Variants in NCKAP5 observed in about 807,000 individuals in gnomAD.
NCKAP5 encodes NCK associated protein 5.
In NCKAP5, 92 loss-of-function variants were observed where a neutral mutation model predicts 167.0. The observed-to-expected ratio is 0.55, with a 90% CI of 0.47 to 0.66. The LOEUF is 0.66. Among genes scored for constraint, NCKAP5 ranks in the 30% least tolerant of loss-of-function variants. The pLI, the probability that NCKAP5 is intolerant of heterozygous loss-of-function variation, is 0.00. For synonymous variants in NCKAP5, 891 were observed against 877.4 expected (o/e 1.02, Z -0.27); for missense variants, 2,378 against 2,315.0 (o/e 1.03, Z -0.56).
rs759457152 is a variant in NCKAP5, at chr2:132,785,610, T to G, written c.1201A>C (p.Ile401Leu). 6.4e-7 allele frequency: 1 copy of G among 1,570,658 alleles called. No individual in the cohort carries two copies. Among genetic ancestry groups the G allele is most frequent in the Non-Finnish European group, 8.6e-7 (1 of 1,161,608 alleles). The change falls in exon 14 of 20, where the codon ATT (isoleucine) becomes CTT (leucine). Residue 401 changes from isoleucine to leucine, a missense_variant. Ile to Leu is a conservative substitution (Grantham distance 5). Around this residue, in one of 3 missense-constraint regions of NCKAP5, gnomAD observed 1,049 missense variants for 1,023.4 expected, o/e 1.02. Coordinates refer to ENST00000409261, the MANE Select transcript of NCKAP5 (RefSeq NM_207363.3). Reference protein sequence around the residue: ...LPPTRIKESHILEGLRKLQKR... With the variant: ...LPPTRIKESHLLEGLRKLQKR... The stretch of plus-strand genomic sequence containing the variant: ...TGTAGCTTTCTTAGCCCTTCCAAAA[T>G]GTGGCTTTCCTTGATACGAGTTGGA...
chr2:133,183,831 C>T (rs1396478059), intron 5 of NCKAP5, among the ~76,000 whole-genome samples: 1 of 152,216 alleles, frequency 6.6e-6, no homozygotes, highest in African/African-American at 2.4e-5. Context: ...CCCAAGGAAT[C>T]TACAAAACCT....
rs180943855 is a variant in NCKAP5 at position 133,429,410 on chromosome 2, T to C, written c.69+88048A>G. Among the ~76,000 whole-genome samples the C allele has an allele frequency of 2.9e-3, 435 of 152,146 alleles. 1 individual carries two copies. The highest frequency in any genetic ancestry group is 4.8e-3 in the Non-Finnish European group (325 of 67,988). ...TCTAATGATCCTATCACCCCAATAG[T>C]GAATATAGTAACCAATAAAAAGTTT... On this transcript the variant is annotated intron_variant, in intron 3 of 19. Coordinates refer to ENST00000409261, the MANE Select transcript of NCKAP5 (RefSeq NM_207363.3).
chr2:133,066,031 G>T (rs1299931703), intron 6 of NCKAP5, among the ~76,000 whole-genome samples: 1 of 152,216 alleles, frequency 6.6e-6, no homozygotes, highest in Non-Finnish European at 1.5e-5. Context: ...GTGAGTGTAT[G>T]TGTGAATGTG....
At chr2:133,016,692 T>C (rs1280801597) in intron 6 of NCKAP5, among the ~76,000 whole-genome samples, 3 of 152,202 alleles carry the variant, frequency 2.0e-5, no homozygotes, top group Admixed American at 1.3e-4. Flanking sequence ...GATTTCATTA[T>C]GTTTCTTTTA....
chr2:132,832,727 A>T (rs1230866927), intron 11 of NCKAP5, among the ~76,000 whole-genome samples: 1 of 152,226 alleles, frequency 6.6e-6, no homozygotes, highest in Non-Finnish European at 1.5e-5. Context: ...GAACAGTGTT[A>T]CATTATGTAT....
At chr2:133,434,346 A>C (rs981155952) in intron 3 of NCKAP5, among the ~76,000 whole-genome samples, 2 of 152,238 alleles carry the variant, frequency 1.3e-5, no homozygotes, top group African/African-American at 4.8e-5. Flanking sequence ...GCATTCTATA[A>C]ATAATTTCAA....
chr2:133,464,772 G>A (rs1692436516), intron 3 of NCKAP5, among the ~76,000 whole-genome samples: 1 of 152,130 alleles, frequency 6.6e-6, no homozygotes, highest in Non-Finnish European at 1.5e-5. Context: ...GCAGTGAGGA[G>A]TAGAAAACTT....
chr2:132,947,089 A>G (rs1425506613), intron 8 of NCKAP5, among the ~76,000 whole-genome samples: 1 of 152,166 alleles, frequency 6.6e-6, no homozygotes, highest in African/African-American at 2.4e-5. Flanking sequence ...ATAGTTTCTT[A>G]TTTGTCATAT....
intron 9 of NCKAP5, among the ~76,000 whole-genome samples, chr2:132,871,912 C>T (rs553758185): frequency 2.6e-5 from 4 of 151,768 alleles, no homozygotes; most frequent in African/African-American, 9.6e-5. Context: ...ATAAATAGGA[C>T]AGCTGTTTGG....
intron 8 of NCKAP5, among the ~76,000 whole-genome samples, chr2:132,921,974 C>A (rs146669773): frequency 2.0e-5 from 3 of 152,134 alleles, no homozygotes; most frequent in East Asian, 1.9e-4. Flanking sequence ...GACATGACTG[C>A]GAGCCCAAGA....
intron 8 of NCKAP5, among the ~76,000 whole-genome samples, chr2:132,891,802 T>C (rs1279660517): frequency 6.6e-6 from 1 of 151,306 alleles, no homozygotes; most frequent in African/African-American, 2.4e-5. Flanking sequence ...GCAAGAGGAG[T>C]GGTAAAGCAG....
chr2:133,126,418 A>G (rs1197314705), intron 6 of NCKAP5, among the ~76,000 whole-genome samples: 1 of 152,216 alleles, frequency 6.6e-6, no homozygotes, highest in Non-Finnish European at 1.5e-5. Context: ...CTGAAGTAGA[A>G]TGGTTGCCCT....
At chr2:132,694,317 C>T (rs768174803) in intron 19 of NCKAP5, among the ~76,000 whole-genome samples, 7 of 152,002 alleles carry the variant, frequency 4.6e-5, no homozygotes, top group Non-Finnish European at 8.8e-5. Context: ...TATCAGGAAG[C>T]GATGAAACGC....
chr2:133,669,570 T>C, the NCKAP5 span, among the ~76,000 whole-genome samples: 2 of 152,122 alleles, frequency 1.3e-5, no homozygotes, highest in African/African-American at 4.8e-5. Context: ...TAAAATTAAT[T>C]CTCAACTTAT....
chr2:133,226,604 A>AACACACAC (rs3051222), intron 4 of NCKAP5, among the ~76,000 whole-genome samples: 7,656 of 139,150 alleles, frequency 0.055, 322 homozygotes, highest in Admixed American at 0.13. Context: ...TTTGAAGATA[A>AACACACAC]ACACACACAC....
intron 3 of NCKAP5, among the ~76,000 whole-genome samples, chr2:133,488,231 T>G (rs1681083409): frequency 1.3e-5 from 2 of 152,216 alleles, no homozygotes; most frequent in Admixed American, 1.3e-4. Flanking sequence ...AAGTGTTTTT[T>G]GTTTGATTTT....
chr2:132,854,799 C>T (rs1285734499), intron 11 of NCKAP5, among the ~76,000 whole-genome samples: 7 of 152,050 alleles, frequency 4.6e-5, no homozygotes, highest in South Asian at 2.1e-4. Flanking sequence ...ATTTGGTAAT[C>T]GAATGAAGAG....
chr2:133,347,169 T>G (rs1036919548), intron 3 of NCKAP5, among the ~76,000 whole-genome samples: 1 of 152,238 alleles, frequency 6.6e-6, no homozygotes, highest in African/African-American at 2.4e-5. Flanking sequence ...ATAATGTATT[T>G]TTTTCTCTTT....
chr2:133,232,105 A>C (rs1285981737), intron 4 of NCKAP5, among the ~76,000 whole-genome samples: 1 of 152,192 alleles, frequency 6.6e-6, no homozygotes, highest in Non-Finnish European at 1.5e-5. Context: ...TCTAAAAGAC[A>C]AAAGAGAAAA....
Sources: gnomAD v4.1 joint callset for allele counts (sites outside exome capture counted in the v4.1 genomes callset) on GRCh38, gnomAD v4.1.1 for gene constraint, gnomAD v4.1.1 regional missense constraint, MANE v1.5 for transcripts, NCBI Gene and HGNC (gene_info 2026-07-23, HGNC 2026-07-21) for gene names.